The following NTM variants were observed in gnomAD, a reference collection of about 807,000 sequenced individuals.
NTM encodes neurotrimin.
NTM carries 13 observed loss-of-function variants against 42.1 expected under a neutral mutation model. The observed-to-expected ratio is 0.31, with a 90% CI of 0.20 to 0.49. The LOEUF is 0.49. NTM is among the 20% of genes least tolerant of loss of function. The pLI is 0.99. For synonymous variants in NTM, 187 were observed against 179.2 expected (o/e 1.04, Z -0.35); for missense variants, 373 against 452.8 (o/e 0.82, Z 1.60).
intron 1 of NTM, among the ~76,000 whole-genome samples, chr11:131,762,705 T>A (rs1217909514): frequency 6.6e-6 from 1 of 152,204 alleles, no homozygotes; most frequent in Non-Finnish European, 1.5e-5. Context: ...CAATTTGTTC[T>A]CCCCAATAGA....
At chr11:131,586,146 C>T (rs2058837624) in intron 1 of NTM, among the ~76,000 whole-genome samples, 1 of 152,000 alleles carries the variant, frequency 6.6e-6, no homozygotes, top group East Asian at 1.9e-4. Context: ...CTCTCTGTCA[C>T]CCAGGCTAGA....
chr11:131,989,408 G>A (rs1156953895), intron 2 of NTM, among the ~76,000 whole-genome samples: 4 of 152,038 alleles, frequency 2.6e-5, no homozygotes, highest in Non-Finnish European at 4.4e-5. Flanking sequence ...ATTAAATTAC[G>A]ATGTGATATT....
At chr11:132,040,987 C>T (rs1014264652) in intron 2 of NTM, among the ~76,000 whole-genome samples, 2 of 152,134 alleles carry the variant, frequency 1.3e-5, no homozygotes, top group African/African-American at 4.8e-5. Flanking sequence ...TGCAGAAGTA[C>T]CTAAGACAAT....
chr11:131,771,800 T>C (rs899391943), intron 1 of NTM, among the ~76,000 whole-genome samples: 3 of 152,180 alleles, frequency 2.0e-5, no homozygotes, highest in African/African-American at 7.2e-5. Flanking sequence ...CTCTTTGATT[T>C]AAAATGATAT....
chr11:132,279,840 T>C (rs2093899166), intron 4 of NTM, among the ~76,000 whole-genome samples: 1 of 152,196 alleles, frequency 6.6e-6, no homozygotes, highest in African/African-American at 2.4e-5. Flanking sequence ...CATATAAAGA[T>C]TCACATCGTG....
chr11:131,735,224 C>T (rs2080257612), intron 1 of NTM, among the ~76,000 whole-genome samples: 1 of 152,208 alleles, frequency 6.6e-6, no homozygotes, highest in Admixed American at 6.5e-5. Context: ...GTTGGCAAAG[C>T]TCCAAGGCAC....
chr11:131,957,362 G>C (rs576712281), intron 2 of NTM, among the ~76,000 whole-genome samples: 1 of 152,288 alleles, frequency 6.6e-6, no homozygotes, highest in Admixed American at 6.5e-5. Flanking sequence ...AATGCAACTT[G>C]GCCCAGTCTC....
intron 7 of NTM, among the ~76,000 whole-genome samples, chr11:132,325,559 A>C (rs2095661476): frequency 2.6e-5 from 4 of 152,042 alleles, no homozygotes; most frequent in African/African-American, 9.6e-5. Flanking sequence ...ACACTTTTAC[A>C]CTGTTGGTGG....
intron 2 of NTM, among the ~76,000 whole-genome samples, chr11:132,079,061 G>C (rs1161848830): frequency 1.3e-5 from 2 of 152,146 alleles, no homozygotes; most frequent in Non-Finnish European, 2.9e-5. Context: ...TGGTGAGCGC[G>C]AGCCCACGGA....
chr11:131,679,037 AC>A (rs1342827897), intron 1 of NTM, among the ~76,000 whole-genome samples: 2 of 152,182 alleles, frequency 1.3e-5, no homozygotes, highest in African/African-American at 4.8e-5. Flanking sequence ...GAAAGTGCTC[AC>A]AGAGAGCAGC....
intron 1 of NTM, among the ~76,000 whole-genome samples, chr11:131,738,685 T>A (rs911734339): frequency 1.3e-5 from 2 of 152,222 alleles, no homozygotes; most frequent in African/African-American, 4.8e-5. Flanking sequence ...TCTGTGGCCC[T>A]CAGGTGGACA....
At chr11:131,841,606 G>A (rs1028358511) in intron 1 of NTM, among the ~76,000 whole-genome samples, 2 of 152,126 alleles carry the variant, frequency 1.3e-5, no homozygotes, top group Admixed American at 1.3e-4. Context: ...GCTGATCTAG[G>A]GTGAGAGACA....
chr11:131,976,161 T>G, intron 2 of NTM, among the ~76,000 whole-genome samples: 1 of 143,770 alleles, frequency 7.0e-6, no homozygotes, highest in Admixed American at 6.9e-5. Flanking sequence ...CCTTCCTTTC[T>G]TCCTTCCTTC....
At chr11:131,521,051 G>A (rs1447295490) in intron 1 of NTM, among the ~76,000 whole-genome samples, 2 of 151,988 alleles carry the variant, frequency 1.3e-5, no homozygotes, top group Non-Finnish European at 2.9e-5. Context: ...TTGGCCAGGC[G>A]TGGTGGCTCA....
At chr11:132,210,039 C>G (rs2082595094) in intron 3 of NTM, among the ~76,000 whole-genome samples, 1 of 152,126 alleles carries the variant, frequency 6.6e-6, no homozygotes, top group African/African-American at 2.4e-5. Flanking sequence ...GAGGCAAGAC[C>G]AGCATTAAAA....
chr11:131,926,584 G>T (rs996482715), intron 2 of NTM, among the ~76,000 whole-genome samples: 1 of 152,136 alleles, frequency 6.6e-6, no homozygotes, highest in Non-Finnish European at 1.5e-5. Context: ...GGATCTGGGG[G>T]GTCCTCGGTG....
At chr11:131,541,089 T>G (rs1328401780) in intron 1 of NTM, among the ~76,000 whole-genome samples, 2 of 152,244 alleles carry the variant, frequency 1.3e-5, no homozygotes, top group East Asian at 3.8e-4. Context: ...TCAATCCCCG[T>G]GCTTCTTCAT....
In NTM at chr11:132,009,334, G is replaced by A. The variant is rs2071555889; in HGVS notation, c.167+97686G>A. On this transcript the variant is annotated intron_variant, in intron 2 of 8. Coordinates refer to ENST00000683400, the MANE Select transcript of NTM (RefSeq NM_001352005.2). ...GTACCTGGCTGTCTTTAAGCTGGGGGACAGTTTGAGATTGGAACAGCAAAT... is the reference window on the plus strand; with the variant it reads ...GTACCTGGCTGTCTTTAAGCTGGGGAACAGTTTGAGATTGGAACAGCAAAT... Among the ~76,000 whole-genome samples the A allele has an allele frequency of 2.0e-5, 3 of 152,292 alleles. No homozygotes were observed. The South Asian group carries it at 6.2e-4, about 32-fold the overall frequency.
chr11:131,779,239 G>A (rs2087616618), intron 1 of NTM, among the ~76,000 whole-genome samples: 1 of 152,160 alleles, frequency 6.6e-6, no homozygotes, highest in African/African-American at 2.4e-5. Context: ...CTCAGCCCTG[G>A]CTGACACCTT....
Sources: allele counts gnomAD v4.1 joint callset (sites outside exome capture counted in the v4.1 genomes callset), GRCh38; gene constraint gnomAD v4.1.1; transcripts MANE v1.5; gene names NCBI Gene and HGNC (gene_info 2026-07-23, HGNC 2026-07-21).